Variants in RPTOR observed in about 807,000 individuals in gnomAD.
RPTOR encodes regulatory associated protein of MTOR complex 1.
Under a neutral mutation model 169.9 loss-of-function variants are expected in RPTOR, and 21 were observed. The ratio of observed to expected loss-of-function variants is 0.12; its 90% CI spans 0.09 to 0.18. The LOEUF (loss-of-function observed/expected upper bound fraction) is 0.18. RPTOR is among the 10% of genes least tolerant of loss of function. The probability of loss-of-function intolerance (pLI) is 1.00; values close to 1 mark genes in which losing one functional copy is unlikely to be tolerated. For missense variants in RPTOR, 1,133 were observed against 1,855.9 expected (o/e 0.61, Z 7.16); for synonymous variants, 732 against 753.2 (o/e 0.97, Z 0.46).
At chr17:80,595,744 A>G (rs573441731) in intron 1 of RPTOR, among the ~76,000 whole-genome samples, 1 of 152,344 alleles carries the variant, frequency 6.6e-6, no homozygotes, top group South Asian at 2.1e-4. Context: ...GGCATGAGCC[A>G]TCGTGCCCAG....
At chr17:80,869,908 C>T (rs572488052) in intron 13 of RPTOR, among the ~76,000 whole-genome samples, 6 of 152,188 alleles carry the variant, frequency 3.9e-5, no homozygotes, top group Non-Finnish European at 8.8e-5. Flanking sequence ...AGCAGCAGAA[C>T]TTCATGATGA....
Position 80,840,054 on chromosome 17 carries a change from G to C in RPTOR, c.1212+2057G>C, listed in dbSNP as rs1185394401. 3.3e-5 allele frequency among the ~76,000 whole-genome samples: 5 copies of C among 152,270 alleles called. No homozygotes were observed. In the South Asian group the frequency reaches 1.0e-3, roughly 32 times the overall value. On this transcript the variant is annotated intron_variant, in intron 10 of 33. Coordinates refer to ENST00000306801, the MANE Select transcript of RPTOR (RefSeq NM_020761.3). ...AGGTGTAACTTACATATAGAAAAGT[G>C]TACACATCATACACATACAGCTTGG...
intron 17 of RPTOR, among the ~76,000 whole-genome samples, chr17:80,886,995 G>A (rs1030389841): frequency 2.0e-4 from 30 of 152,170 alleles, no homozygotes; most frequent in African/African-American, 4.3e-4. Context: ...GCATCGGAGC[G>A]GGAAGGGTGT....
At chr17:80,886,277 G>A (rs578211197) in intron 17 of RPTOR, among the ~76,000 whole-genome samples, 2 of 152,372 alleles carry the variant, frequency 1.3e-5, no homozygotes, top group South Asian at 2.1e-4. Context: ...GGAAAGTCAC[G>A]TTCTATCGTG....
intron 11 of RPTOR, 66 bp from the exon 12 acceptor site, chr17:80,855,398 A>G: frequency 1.7e-6 from 2 of 1,199,776 alleles, no homozygotes; most frequent in South Asian, 1.2e-5. Context: ...CAGCTCATGC[A>G]GCAGCGTTTC....
chr17:80,650,971 C>T (rs1308873432), intron 3 of RPTOR, among the ~76,000 whole-genome samples: 1 of 152,226 alleles, frequency 6.6e-6, no homozygotes, highest in East Asian at 1.9e-4. Flanking sequence ...TATTATCTCT[C>T]ATCATCATGT....
intron 2 of RPTOR, among the ~76,000 whole-genome samples, chr17:80,627,836 ATTT>A (rs34155053): frequency 3.6e-5 from 5 of 139,618 alleles, no homozygotes; most frequent in Admixed American, 7.2e-5. Context: ...GTATGTTTAA[ATTT>A]TTTTTTTTTT....
intron 3 of RPTOR, among the ~76,000 whole-genome samples, chr17:80,682,107 T>TCCCCCC (rs1555606410): frequency 3.2e-5 from 2 of 62,982 alleles, no homozygotes; most frequent in Non-Finnish European, 6.9e-5. Flanking sequence ...TGTGATTAGG[T>TCCCCCC]CCCCCCCCCC....
chr17:80,728,719 AT>A (rs542891937), intron 4 of RPTOR, among the ~76,000 whole-genome samples: 7 of 147,758 alleles, frequency 4.7e-5, no homozygotes, highest in East Asian at 2.0e-4. Context: ...TTCTTTATTA[AT>A]TTTTTTTTGC....
At chr17:80,769,553 A>G (rs2066821265) in intron 6 of RPTOR, among the ~76,000 whole-genome samples, 1 of 152,146 alleles carries the variant, frequency 6.6e-6, no homozygotes, top group South Asian at 2.1e-4. Context: ...GTGTGCCCGG[A>G]AAAGAGGGTC....
At chr17:80,891,432 C>A (rs1269409513) in intron 17 of RPTOR, among the ~76,000 whole-genome samples, 1 of 152,172 alleles carries the variant, frequency 6.6e-6, no homozygotes. Context: ...TGTGACTCAC[C>A]GTGTCCTTAC....
At chr17:80,782,173 A>C (rs903516937) in intron 6 of RPTOR, among the ~76,000 whole-genome samples, 3 of 152,164 alleles carry the variant, frequency 2.0e-5, no homozygotes, top group African/African-American at 7.2e-5. Flanking sequence ...CTGTTTGCAG[A>C]GGCAGCGGCT....
intron 13 of RPTOR, among the ~76,000 whole-genome samples, chr17:80,876,256 G>A (rs112957845): frequency 0.029 from 1,127 of 38,468 alleles, 126 homozygotes; most frequent in Middle Eastern, 0.043. Flanking sequence ...GTCTTCCACC[G>A]AGCCCGTGCC....
chr17:80,901,302 CG>C lies in RPTOR; in HGVS notation c.2401+7439del, dbSNP rs371749111. Among the ~76,000 whole-genome samples, 67 of 152,238 alleles carry C rather than the reference CG, an allele frequency of 4.4e-4. 2 individuals are homozygous for C. Among genetic ancestry groups the C allele is most frequent in the African/African-American group, 1.6e-3 (65 of 41,534 alleles). On this transcript the variant is annotated intron_variant, in intron 20 of 33. Coordinates refer to ENST00000306801, the MANE Select transcript of RPTOR (RefSeq NM_020761.3). ...GGCCTCCATGAGTTTTCTCCTCTGC[CG>C]GTTCTTTCTTTTCTGTCTTCTCGAA...
At chr17:80,558,528 C>A (rs1260708726) in intron 1 of RPTOR, among the ~76,000 whole-genome samples, 2 of 152,184 alleles carry the variant, frequency 1.3e-5, no homozygotes, top group East Asian at 1.9e-4. Context: ...GACGGAAAAC[C>A]TGTAAGAATA....
chr17:80,809,804 C>T (rs1014729000), intron 7 of RPTOR, among the ~76,000 whole-genome samples: 1 of 152,004 alleles, frequency 6.6e-6, no homozygotes, highest in African/African-American at 2.4e-5. Context: ...TTTGGGAGGT[C>T]GAGGTGGGCA....
chr17:80,600,283 C>A (rs2065175903), intron 1 of RPTOR, among the ~76,000 whole-genome samples: 1 of 144,934 alleles, frequency 6.9e-6, no homozygotes, highest in Admixed American at 6.9e-5. Flanking sequence ...AAAAGGCCAC[C>A]AAGTGTTTTT....
chr17:80,631,029 C>T (rs1242048168), intron 2 of RPTOR, among the ~76,000 whole-genome samples: 2 of 152,152 alleles, frequency 1.3e-5, no homozygotes, highest in African/African-American at 2.4e-5. Context: ...ACGTCTGCCT[C>T]GATTCAGTGT....
At position 80,695,618 on chromosome 17, in the gene RPTOR, A is replaced by C. The variant is rs1381505477; in HGVS notation, c.349-12223A>C. Among the ~76,000 whole-genome samples the C allele has an allele frequency of 4.6e-5, 7 of 152,220 alleles. No individual in the cohort carries two copies. Among genetic ancestry groups the C allele is most frequent in the Non-Finnish European group, 8.8e-5 (6 of 68,044 alleles). On this transcript the variant is annotated intron_variant, in intron 3 of 33. Coordinates refer to ENST00000306801, the MANE Select transcript of RPTOR (RefSeq NM_020761.3). This position sits in a 1 kb window ranked among gnomAD's most constrained non-coding sequence, Gnocchi z 4.9. ...GTTTTACAGGAAACAAAGCAGGATG[A>C]CCTTGGGCTTCCTAGTCTCTGCACG... is the stretch of plus-strand genomic sequence containing the variant.
Sources: allele counts gnomAD v4.1 joint callset (sites outside exome capture counted in the v4.1 genomes callset), GRCh38; gene constraint gnomAD v4.1.1; non-coding constraint Gnocchi (gnomAD v3.1); transcripts MANE v1.5; gene names NCBI Gene and HGNC (gene_info 2026-07-23, HGNC 2026-07-21).